OXR1: variants seen among roughly 807,000 people sequenced by gnomAD.
OXR1 encodes the protein oxidation resistance protein 1.
OXR1 carries 41 observed loss-of-function variants against 104.6 expected under a neutral mutation model. The ratio of observed to expected loss-of-function variants is 0.39; its 90% confidence interval spans 0.31 to 0.51. OXR1 has a LOEUF of 0.51. OXR1 is among the 20% of genes least tolerant of loss of function. OXR1 has a pLI of 0.77. For synonymous variants in OXR1, 348 were observed against 348.4 expected (o/e 1.00, Z 0.01); for missense variants, 955 against 1,031.9 (o/e 0.93, Z 1.02).
At chr8:106,660,881 T>C (rs1825694083) in intron 3 of OXR1, among the ~76,000 whole-genome samples, 1 of 152,012 alleles carries the variant, frequency 6.6e-6, no homozygotes, top group Non-Finnish European at 1.5e-5. Context: ...GGCGTGGTGG[T>C]GCGTGCCTGT....
At chr8:106,424,512 T>C (rs1371218042) in intron 2 of OXR1, among the ~76,000 whole-genome samples, 2 of 152,170 alleles carry the variant, frequency 1.3e-5, no homozygotes, top group Non-Finnish European at 2.9e-5. Context: ...GATTCTATTA[T>C]GTATTTAACC....
intron 7 of OXR1, chr8:106,697,545 C>T (rs1830165980): frequency 6.2e-7 from 1 of 1,611,724 alleles, no homozygotes; most frequent in Admixed American, 1.7e-5. Context: ...GAGGATTCTC[C>T]TTGGATTTCT....
At chr8:106,447,996 T>G (rs1180427917) in intron 2 of OXR1, 1 of 1,529,464 alleles carries the variant, frequency 6.5e-7, no homozygotes, top group Non-Finnish European at 8.7e-7. Context: ...CACACAGCTA[T>G]AAGGTTGCCT....
At chr8:106,334,912 C>T (rs1814893874) in intron 1 of OXR1, among the ~76,000 whole-genome samples, 1 of 152,108 alleles carries the variant, frequency 6.6e-6, no homozygotes, top group Non-Finnish European at 1.5e-5. Flanking sequence ...TCGGCATTGA[C>T]TTCAATAACA....
chr8:106,463,669 A>G (rs1821025418), intron 2 of OXR1, among the ~76,000 whole-genome samples: 1 of 152,242 alleles, frequency 6.6e-6, no homozygotes, highest in Middle Eastern at 3.4e-3. Context: ...TTCAAATCCT[A>G]GTTTAGCCAC....
intron 3 of OXR1, among the ~76,000 whole-genome samples, chr8:106,583,121 A>G (rs748888396): frequency 6.6e-6 from 1 of 152,140 alleles, no homozygotes; most frequent in Non-Finnish European, 1.5e-5. Context: ...ACAGAGTATG[A>G]ATTAGAAAGT....
At chr8:106,610,591 C>T (rs1288864934) in intron 3 of OXR1, among the ~76,000 whole-genome samples, 1 of 152,172 alleles carries the variant, frequency 6.6e-6, no homozygotes, top group African/African-American at 2.4e-5. Context: ...GCCACAGTCT[C>T]ATTCGACTCC....
chr8:106,274,269 T>C lies in OXR1; in HGVS notation c.-139+3902T>C, dbSNP rs370253334. On this transcript the variant is annotated intron_variant, in intron 1 of 16. Transcript: ENST00000517566. ...AGAAAGGAGGAACAATACCTTACAC[T>C]CATAAATGTAATAAGATACTGTTCT... Among the ~76,000 whole-genome samples, 16 of 152,292 alleles carry C rather than the reference T, an allele frequency of 1.1e-4. No homozygotes were observed. The South Asian group carries it at 1.2e-3, about 12-fold the overall frequency.
chr8:106,648,313 G>C (rs1202042473), intron 3 of OXR1, among the ~76,000 whole-genome samples: 1 of 152,158 alleles, frequency 6.6e-6, no homozygotes, highest in Non-Finnish European at 1.5e-5. Flanking sequence ...TCAGTCATTA[G>C]CCAATGTAAA....
intron 1 of OXR1, among the ~76,000 whole-genome samples, chr8:106,286,457 G>A (rs1812506521): frequency 6.7e-6 from 1 of 148,340 alleles, no homozygotes; most frequent in African/African-American, 2.6e-5. Flanking sequence ...AGCAGGAAGG[G>A]AGAGGTCTGA....
At chr8:106,373,781 G>A (rs1276844562) in intron 2 of OXR1, among the ~76,000 whole-genome samples, 1 of 152,074 alleles carries the variant, frequency 6.6e-6, no homozygotes, top group Non-Finnish European at 1.5e-5. Flanking sequence ...GTAGAGACAG[G>A]GTTTCACCAT....
At chr8:106,664,212 T>A (rs1215812188) in intron 3 of OXR1, among the ~76,000 whole-genome samples, 4 of 152,258 alleles carry the variant, frequency 2.6e-5, no homozygotes, top group Admixed American at 2.6e-4. Context: ...TAGGAAGTTC[T>A]GTATTATCTA....
chr8:106,587,496 G>C (rs976431175), intron 3 of OXR1, among the ~76,000 whole-genome samples: 3 of 152,204 alleles, frequency 2.0e-5, no homozygotes, highest in Admixed American at 6.5e-5. Flanking sequence ...TTATCATTAT[G>C]ACAGAGTTAT....
In OXR1 at chr8:106,537,102, T is replaced by G. The variant is rs995740238; in HGVS notation, c.220+17963T>G. 2.0e-5 allele frequency among the ~76,000 whole-genome samples: 3 copies of G among 151,992 alleles called. No homozygotes were observed. In the East Asian group the frequency reaches 5.8e-4, roughly 30 times the overall value. On this transcript the variant is annotated intron_variant, in intron 3 of 16. Transcript: ENST00000517566. The stretch of plus-strand genomic sequence containing the variant: ...GGTTTGCAGATGGCCATCTTCTCCT[T>G]GTATCCTCATGTCTTTATAGGGCAT...
intron 2 of OXR1, among the ~76,000 whole-genome samples, chr8:106,420,730 T>TGTGTGTGTGTGTGTG (rs1818869690): frequency 6.8e-6 from 1 of 147,176 alleles, no homozygotes; most frequent in African/African-American, 2.5e-5. Context: ...CATTAAAATA[T>TGTGTGTGTGTGTGTG]TGTGTGTGTG....
intron 1 of OXR1, among the ~76,000 whole-genome samples, chr8:106,273,308 A>G (rs1192101203): frequency 6.6e-6 from 1 of 152,174 alleles, no homozygotes; most frequent in Non-Finnish European, 1.5e-5. Context: ...AGGCAGAATG[A>G]GAAATAGAGA....
chr8:106,489,019 T>C lies in OXR1; in HGVS notation c.24-29924T>C, dbSNP rs552978676. ...AATCTGTAAATTACCTTGGGCAGTA[T>C]GGCCATTTTCACGATATTGATTCTT... On this transcript the variant is annotated intron_variant, in intron 2 of 16. Coordinates refer to ENST00000517566, the MANE Select transcript of OXR1 (RefSeq NM_001198533.2). 3.0e-3 allele frequency among the ~76,000 whole-genome samples: 455 copies of C among 149,468 alleles called. 2 individuals carry two copies. The highest frequency in any genetic ancestry group is 0.01 in the African/African-American group (417 of 40,378).
chr8:106,519,036 C>T lies in OXR1; in HGVS notation c.117C>T (p.Pro39=). 1 of 1,551,936 alleles carries T rather than the reference C, an allele frequency of 6.4e-7. No homozygotes were observed. Among genetic ancestry groups the T allele is most frequent in the South Asian group, 1.2e-5 (1 of 84,052 alleles). The change falls in exon 3 of 17, where the codon CCC becomes CCT. Residue 39 remains proline (P), a synonymous_variant. Transcript: ENST00000517566. ...AGKQTPQASK[P]PAPKTPIIEE... ...AGCAAACACCACAAGCCAGTAAGCC[C>T]CCGGCACCCAAGACCCCCATCATTG...
chr8:106,575,306 G>C (rs953149948), intron 3 of OXR1, among the ~76,000 whole-genome samples: 6 of 152,028 alleles, frequency 3.9e-5, no homozygotes, highest in Non-Finnish European at 5.9e-5. Context: ...AATCTATATT[G>C]CTAAATCACT....
Sources: allele counts gnomAD v4.1 joint callset (sites outside exome capture counted in the v4.1 genomes callset), GRCh38; gene constraint gnomAD v4.1.1; transcripts MANE v1.5; gene names NCBI Gene and HGNC (gene_info 2026-07-23, HGNC 2026-07-21).